HOMER1: variants seen among roughly 807,000 people sequenced by gnomAD.
The protein encoded by HOMER1 is homer protein homolog 1.
Under a neutral mutation model 48.9 loss-of-function variants are expected in HOMER1, and 3 were observed. The observed-to-expected ratio is 0.06, with a 90% confidence interval of 0.03 to 0.16. The LOEUF (loss-of-function observed/expected upper bound fraction) is 0.16. Ranked by LOEUF, HOMER1 falls within the 10% of genes least tolerant of loss-of-function variation. HOMER1 has a pLI of 1.00. For synonymous variants in HOMER1, 134 were observed against 146.4 expected (o/e 0.92, Z 0.61); for missense variants, 247 against 411.4 (o/e 0.60, Z 3.46).
Position 79,451,123 on chromosome 5 carries a change from TA to T in HOMER1, c.163-3del. ...GGTGATGGTACTATTTATTATTGCC[TA>T]AAAAATAAAGCAAGTATGAGCAACC... On this transcript the variant is annotated splice_region_variant and splice_polypyrimidine_tract_variant and intron_variant, in intron 2 of 8. Transcript: ENST00000334082. 1 of 1,609,170 alleles carries T rather than the reference TA, an allele frequency of 6.2e-7. No homozygotes were observed. Among genetic ancestry groups the T allele is most frequent in the Non-Finnish European group, 8.5e-7 (1 of 1,176,546 alleles).
chr5:79,397,606 G>A lies in HOMER1; in HGVS notation c.716C>T (p.Ala239Val), dbSNP rs913931743. ...TGTCTTATGAGTATGTACTGCATTT[G>A]CTTGGCTACTAACACATTCAAGTTC... Reference protein sequence around the residue: ...VTELECVSSQANAVHTHKTEL... With the variant: ...VTELECVSSQVNAVHTHKTEL... The change falls in exon 7 of 9, where the codon GCA becomes GTA. Residue 239 changes from alanine to valine, a missense_variant. Ala to Val is a moderately conservative substitution (Grantham distance 64). Transcript: ENST00000334082. The A allele has an allele frequency of 5.0e-6, 8 of 1,608,098 alleles. No individual in the cohort carries two copies. In the African/African-American group the frequency reaches 8.0e-5, roughly 16 times the overall value.
At position 79,471,551 on chromosome 5, in the gene HOMER1, G is replaced by GAA. The variant is rs55724615; in HGVS notation, c.6-14535_6-14534dup. Among the ~76,000 whole-genome samples, 49 of 97,660 alleles carry GAA rather than the reference G, an allele frequency of 5.0e-4. 2 individuals carry two copies. The highest frequency in any genetic ancestry group is 1.2e-3 in the East Asian group (4 of 3,402). 64.1% of individuals were successfully genotyped at this position (97,660 alleles called of 152,430 possible). A position where few individuals can be genotyped will look rare whatever the true frequency, so the allele number is the denominator to read the frequency against. ...AATAAGAGCAAAACTCCATCTCAAA[G>GAA]AAAAAAAAAAAAAAAAAAAAAAGAA... On this transcript the variant is annotated intron_variant, in intron 1 of 8. Transcript: ENST00000334082.
At chr5:79,443,766 A>T (rs1750802680) in intron 4 of HOMER1, among the ~76,000 whole-genome samples, 1 of 152,320 alleles carries the variant, frequency 6.6e-6, no homozygotes, top group East Asian at 1.9e-4. Context: ...TCAGAAAACT[A>T]TTAAGGGTTG....
intron 8 of HOMER1, among the ~76,000 whole-genome samples, chr5:79,386,477 G>A (rs1262445944): frequency 1.3e-5 from 2 of 152,144 alleles, no homozygotes; most frequent in Non-Finnish European, 2.9e-5. Flanking sequence ...GTGATGGTGG[G>A]AGGAGAAAAT....
At chr5:79,376,991 A>G (rs1748788380) in intron 8 of HOMER1, among the ~76,000 whole-genome samples, 1 of 152,168 alleles carries the variant, frequency 6.6e-6, no homozygotes, top group Admixed American at 6.5e-5. Flanking sequence ...TTTGAGACAC[A>G]GTCTCACTCT....
chr5:79,466,282 G>A (rs1751461789), intron 1 of HOMER1, among the ~76,000 whole-genome samples: 1 of 152,036 alleles, frequency 6.6e-6, no homozygotes, highest in Admixed American at 6.6e-5. Context: ...TTCGGAGGCT[G>A]AGACAGGCAG....
At chr5:79,477,196 T>C (rs1362109201) in intron 1 of HOMER1, among the ~76,000 whole-genome samples, 1 of 152,242 alleles carries the variant, frequency 6.6e-6, no homozygotes, top group Non-Finnish European at 1.5e-5. Context: ...CATAGCAGTC[T>C]AGCCTCACCT....
At chr5:79,442,762 T>C (rs1580454221) in intron 4 of HOMER1, among the ~76,000 whole-genome samples, 1 of 152,076 alleles carries the variant, frequency 6.6e-6, no homozygotes, top group Non-Finnish European at 1.5e-5. Flanking sequence ...ACAGAAAAAC[T>C]GGGGAGGAGC....
chr5:79,479,642 C>T (rs1249675614), intron 1 of HOMER1, among the ~76,000 whole-genome samples: 1 of 152,146 alleles, frequency 6.6e-6, no homozygotes, highest in Non-Finnish European at 1.5e-5. Context: ...AAACTGCTTT[C>T]GTACTTCTGA....
intron 4 of HOMER1, among the ~76,000 whole-genome samples, chr5:79,444,598 C>A (rs1750826206): frequency 1.3e-5 from 2 of 152,140 alleles, no homozygotes; most frequent in South Asian, 4.1e-4. Flanking sequence ...CAAAGAGGAA[C>A]AAGGTGTTAG....
intron 8 of HOMER1, among the ~76,000 whole-genome samples, chr5:79,381,339 T>C (rs907042352): frequency 6.6e-6 from 1 of 152,204 alleles, no homozygotes; most frequent in Non-Finnish European, 1.5e-5. Flanking sequence ...CGTAGATACA[T>C]CTACAGGAAA....
Position 79,513,406 on chromosome 5 carries a change from C to G in HOMER1, c.-632G>C, listed in dbSNP as rs1168657866. ...GGAATCTGTCTTTTTAAATGTTTCT[C>G]CTCCTAAGACTCGGAGCAGAGAAGA... On this transcript the variant is annotated 5_prime_UTR_variant, in exon 1 of 9. Transcript: ENST00000334082. 6.5e-6 allele frequency: 1 copy of G among 152,826 alleles called. No homozygotes were observed. The highest frequency in any genetic ancestry group is 1.5e-5 in the Non-Finnish European group (1 of 68,504). The allele number at this position is 152,826 out of a possible 1,614,324, so 9.5% of individuals were successfully genotyped here.
rs114684528 is a variant in HOMER1, at chr5:79,430,526, T to C, written c.527+8484A>G. Among the ~76,000 whole-genome samples the C allele has an allele frequency of 9.2e-5, 14 of 152,286 alleles. 1 individual carries two copies. In the East Asian group the frequency reaches 1.5e-3, roughly 17 times the overall value. Reference sequence around the variant, plus strand: ...ACTACTAGGTATATACTCAAGAGAATTGAAAACATACATCTGCACAAAAAC... The same window carrying C: ...ACTACTAGGTATATACTCAAGAGAACTGAAAACATACATCTGCACAAAAAC... On this transcript the variant is annotated intron_variant, in intron 5 of 8. Transcript: ENST00000334082.
chr5:79,435,988 C>T (rs1225403890), intron 5 of HOMER1, among the ~76,000 whole-genome samples: 22 of 137,404 alleles, frequency 1.6e-4, no homozygotes, highest in Admixed American at 7.3e-4. Flanking sequence ...TAGCCGGGCG[C>T]GGTGGCGGGC....
chr5:79,441,846 C>T (rs2112280025), intron 4 of HOMER1, among the ~76,000 whole-genome samples: 1 of 152,064 alleles, frequency 6.6e-6, no homozygotes, highest in East Asian at 1.9e-4. Context: ...AGAAATTTTG[C>T]ATATGCTAAA....
rs55954465 is a variant in HOMER1 at position 79,379,694 on chromosome 5, C to T, written c.877-3497G>A. Among the ~76,000 whole-genome samples the T allele has an allele frequency of 6.6e-3, 999 of 151,402 alleles. 7 individuals are homozygous for T. Among genetic ancestry groups the T allele is most frequent in the African/African-American group, 0.023 (962 of 41,188 alleles). On this transcript the variant is annotated intron_variant, in intron 8 of 8. Transcript: ENST00000334082. ...TCCTGGGCTCAAGTGATCGTCCTGCCGCGGCCTCCCAAAGTGCTGGGACTA... is the reference window on the plus strand; with the variant it reads ...TCCTGGGCTCAAGTGATCGTCCTGCTGCGGCCTCCCAAAGTGCTGGGACTA...
intron 8 of HOMER1, among the ~76,000 whole-genome samples, chr5:79,377,865 C>T (rs1748815313): frequency 6.6e-6 from 1 of 152,014 alleles, no homozygotes; most frequent in Non-Finnish European, 1.5e-5. Flanking sequence ...ATTTATTCTT[C>T]TCTCAAGTTG....
intron 1 of HOMER1, among the ~76,000 whole-genome samples, 189 bp downstream of exon 1, chr5:79,512,581 T>C (rs954299742): frequency 3.3e-5 from 5 of 152,234 alleles, no homozygotes; most frequent in South Asian, 2.1e-4. Context: ...TTTTAAATTA[T>C]GACCTCTGGT....
chr5:79,467,251 C>T (rs183470196), intron 1 of HOMER1, among the ~76,000 whole-genome samples: 4 of 151,870 alleles, frequency 2.6e-5, no homozygotes, highest in Middle Eastern at 3.4e-3. Context: ...ATTAGCTGGG[C>T]GTGCTGGCAG....
Sources: gnomAD v4.1 joint callset for allele counts (sites outside exome capture counted in the v4.1 genomes callset) on GRCh38, gnomAD v4.1.1 for gene constraint, MANE v1.5 for transcripts, NCBI Gene and HGNC (gene_info 2026-07-23, HGNC 2026-07-21) for gene names.